The following RAI2 variants were observed in gnomAD, a reference collection of about 807,000 sequenced individuals.
RAI2 encodes retinoic acid-induced protein 2.
A neutral mutation model predicts 15.3 loss-of-function variants in RAI2; 5 were observed. The observed-to-expected ratio is 0.33, with a 90% confidence interval of 0.17 to 0.69. RAI2 has a LOEUF of 0.69. Among genes scored for constraint, RAI2 ranks in the 30% least tolerant of loss-of-function variants. The pLI is 0.69. For missense variants in RAI2, 424 were observed against 424.7 expected (o/e 1.00, Z 0.01); for synonymous variants, 191 against 184.0 (o/e 1.04, Z -0.31).
intron 1 of RAI2, among the ~76,000 whole-genome samples, chrX:17,823,260 G>A (rs1409041243): frequency 8.9e-6 from 1 of 112,080 alleles, no homozygotes; most frequent in Non-Finnish European, 1.9e-5. Flanking sequence ...CCTGGCACAT[G>A]GTAAATACTC....
At position 17,819,752 on chromosome X, in the gene RAI2, G is replaced by A. The variant is rs1210422543; in HGVS notation, c.-24-17718C>T. On this transcript the variant is annotated intron_variant, in intron 1 of 1. Transcript: ENST00000451717. The stretch of plus-strand genomic sequence containing the variant: ...GCACATGCTGTAAGATTTCATTGAC[G>A]CAAAGTCGAAAAACAGGCAAAAATA... Among the ~76,000 whole-genome samples, 3 of 112,248 alleles carry A rather than the reference G, an allele frequency of 2.7e-5. No homozygotes were observed. The East Asian group carries it at 8.4e-4, about 31-fold the overall frequency.
intron 1 of RAI2, among the ~76,000 whole-genome samples, chrX:17,830,080 G>A (rs1027526852): frequency 6.3e-5 from 7 of 111,766 alleles, no homozygotes; most frequent in Admixed American, 1.9e-4. Context: ...CACTTCCCTC[G>A]CACATCATTT....
At chrX:17,846,201 G>T (rs1328148251) in intron 1 of RAI2, among the ~76,000 whole-genome samples, 1 of 112,158 alleles carries the variant, frequency 8.9e-6, no homozygotes, top group Non-Finnish European at 1.9e-5. Flanking sequence ...CACTGCTTTG[G>T]TTCCAATCAG....
intron 1 of RAI2, among the ~76,000 whole-genome samples, chrX:17,810,218 T>C (rs2067031920): frequency 8.9e-6 from 1 of 111,987 alleles, no homozygotes; most frequent in African/African-American, 3.2e-5. Flanking sequence ...CTGTTTCACA[T>C]TTCAAAGGAT....
chrX:17,806,000 G>GACTC (rs2066975986), intron 1 of RAI2, among the ~76,000 whole-genome samples: 2 of 112,247 alleles, frequency 1.8e-5, no homozygotes, highest in Non-Finnish European at 3.8e-5. Context: ...ACCCCACTCT[G>GACTC]ACTCTGAGTC....
chrX:17,801,553 T>C lies in RAI2; in HGVS notation c.458A>G (p.Asn153Ser). The C allele has an allele frequency of 8.3e-7, 1 of 1,205,950 alleles. No homozygotes were observed. Residue 153 changes from asparagine (N) to serine (S), a missense_variant, in exon 2 of 2, where the codon AAC (asparagine) becomes AGC (serine). Asn to Ser is a conservative substitution (Grantham distance 46). Transcript: ENST00000451717. ...EAPCSSSTIH[N>S]NLFQGAEDPE... ...GTCCTCCGCTCCCTGGAAGAGGTTG[T>C]TGTGGATGGTACTGGAGGAGCATGG...
chrX:17,822,026 G>A (rs957341027), intron 1 of RAI2, among the ~76,000 whole-genome samples: 3 of 111,520 alleles, frequency 2.7e-5, no homozygotes, highest in African/African-American at 9.8e-5. Context: ...AAATCCATGT[G>A]AATATTTCCA....
chrX:17,832,730 C>G (rs2067296534), intron 1 of RAI2, among the ~76,000 whole-genome samples: 1 of 112,173 alleles, frequency 8.9e-6, no homozygotes, highest in South Asian at 3.7e-4. Flanking sequence ...GTCCCCCTGC[C>G]TGTCGGTTTC....
chrX:17,807,167 A>G (rs1313148816), intron 1 of RAI2, among the ~76,000 whole-genome samples: 1 of 109,965 alleles, frequency 9.1e-6, no homozygotes, highest in Non-Finnish European at 1.9e-5. Flanking sequence ...CACCCAGCCA[A>G]CTCCTGCTCA....
At chrX:17,821,775 G>A (rs753004446) in intron 1 of RAI2, among the ~76,000 whole-genome samples, 2 of 111,701 alleles carry the variant, frequency 1.8e-5, no homozygotes, top group South Asian at 7.4e-4. Context: ...CACGCATCTA[G>A]GTAGGGGCAG....
chrX:17,836,084 A>C (rs999010566), intron 1 of RAI2, among the ~76,000 whole-genome samples: 2 of 109,242 alleles, frequency 1.8e-5, no homozygotes, highest in African/African-American at 6.7e-5. Context: ...CCACCCCTCA[A>C]CTCCCACCCC....
chrX:17,834,040 AT>A (rs376436864), intron 1 of RAI2, among the ~76,000 whole-genome samples: 13 of 108,691 alleles, frequency 1.2e-4, no homozygotes, highest in East Asian at 8.6e-4. Flanking sequence ...GAGGAAGCTG[AT>A]TTTTTTTTTA....
chrX:17,859,222 G>C (rs930761964), intron 1 of RAI2, among the ~76,000 whole-genome samples: 2 of 111,188 alleles, frequency 1.8e-5, no homozygotes, highest in African/African-American at 6.6e-5. Context: ...CTGTAACAAA[G>C]GCATGTCCAC....
In RAI2 at chrX:17,802,025, G is replaced by A; in HGVS notation, c.-15C>T. On this transcript the variant is annotated 5_prime_UTR_variant, in exon 2 of 2. Coordinates refer to ENST00000451717, the MANE Select transcript of RAI2 (RefSeq NM_021785.6). ...AGGTCGTCCATCACTCAGCTCTGAT[G>A]CCACTTGGCCTGCAACACAGAACAT... 1 of 1,178,730 alleles carries A rather than the reference G, an allele frequency of 8.5e-7. No homozygotes were observed. Among genetic ancestry groups the A allele is most frequent in the Non-Finnish European group, 1.1e-6 (1 of 875,854 alleles).
intron 1 of RAI2, among the ~76,000 whole-genome samples, chrX:17,812,356 G>A (rs770438317): frequency 7.1e-5 from 8 of 111,995 alleles, no homozygotes; most frequent in Admixed American, 4.7e-4. Flanking sequence ...TACACCTGAC[G>A]GGAAGGTTTC....
intron 1 of RAI2, among the ~76,000 whole-genome samples, chrX:17,835,626 TC>T (rs774825062): frequency 1.8e-5 from 2 of 111,536 alleles, no homozygotes; most frequent in South Asian, 7.7e-4. Flanking sequence ...CGTGTGTTTA[TC>T]CCCCCAGAAC....
At chrX:17,802,272 T>C (rs760106695) in intron 1 of RAI2, among the ~76,000 whole-genome samples, 14 of 112,149 alleles carry the variant, frequency 1.2e-4, no homozygotes, top group Admixed American at 1.1e-3. Flanking sequence ...ATGCAGATGA[T>C]GTAATCAGTA....
intron 1 of RAI2, among the ~76,000 whole-genome samples, chrX:17,848,347 G>T (rs1448768490): frequency 1.8e-5 from 2 of 109,114 alleles, no homozygotes; most frequent in African/African-American, 3.3e-5. Context: ...AAAAAGCTTA[G>T]TCTCTGTGGG....
rs150719344 is a variant in RAI2, at chrX:17,820,791, C to G, written c.-24-18757G>C. On this transcript the variant is annotated intron_variant, in intron 1 of 1. Transcript: ENST00000451717. ...TGCCTGAAGCCTAGTGAATGCTGAA[C>G]ACAGAATCATATTTGGGCTCCAAGG... Among the ~76,000 whole-genome samples the G allele has an allele frequency of 1.7e-3, 190 of 111,406 alleles. 1 individual carries two copies. The highest frequency in any genetic ancestry group is 5.8e-3 in the African/African-American group (178 of 30,632).
Sources: allele counts gnomAD v4.1 joint callset (sites outside exome capture counted in the v4.1 genomes callset), GRCh38; gene constraint gnomAD v4.1.1; transcripts MANE v1.5; gene names NCBI Gene and HGNC (gene_info 2026-07-23, HGNC 2026-07-21).